The following ZFP2 variants were observed in gnomAD, a reference collection of about 807,000 sequenced individuals.
ZFP2 encodes zinc finger protein ZFP2.
A neutral mutation model predicts 36.1 loss-of-function variants in ZFP2; 33 were observed. The ratio of observed to expected loss-of-function variants is 0.92; its 90% CI spans 0.69 to 1.22. ZFP2 has a LOEUF of 1.22. ZFP2 is among the 50% of genes most tolerant of loss of function. The probability of loss-of-function intolerance (pLI) is 0.00; values close to 1 mark genes in which losing one functional copy is unlikely to be tolerated. For missense variants in ZFP2, 522 were observed against 551.4 expected, an observed-to-expected ratio of 0.95 and a Z score of 0.53; for synonymous variants, 170 against 178.0, an observed-to-expected ratio of 0.96 and a Z score of 0.36.
intron 3 of ZFP2, chr5:178,913,858 C>CTTTTTTTTTT (rs1217671563): frequency 1.7e-4 from 22 of 129,736 alleles, no homozygotes; most frequent in South Asian, 2.5e-4. Context: ...CTTTTTTTTT[C>CTTTTTTTTTT]TTTTTTTTTT....
intron 2 of ZFP2, 75 bp downstream of exon 2, chr5:178,912,794 G>GT: frequency 3.0e-6 from 3 of 1,004,380 alleles, no homozygotes; most frequent in Non-Finnish European, 2.4e-6. Context: ...GTTTTAGGGT[G>GT]TTTGCTTGGT....
chr5:178,916,603 A>T lies in ZFP2; in HGVS notation c.-185A>T, dbSNP rs953204909. The T allele has an allele frequency of 1.8e-5, 18 of 983,320 alleles. No homozygotes were observed. The highest frequency in any genetic ancestry group is 2.2e-5 in the Non-Finnish European group (18 of 829,532). 60.9% of individuals were successfully genotyped at this position (983,320 alleles called of 1,614,324 possible). On this transcript the variant is annotated 5_prime_UTR_variant, in exon 4 of 5. Coordinates refer to ENST00000361362, the MANE Select transcript of ZFP2 (RefSeq NM_030613.4). ...TTGCTGTCAGATTAATCTGACATTT[A>T]GTCCTCTCATTATCCTGTCCCAGTC... is the stretch of plus-strand genomic sequence containing the variant.
chr5:178,912,947 C>G (rs1052543840), intron 2 of ZFP2, 35 bp from the exon 3 acceptor site: 39 of 982,090 alleles, frequency 4.0e-5, no homozygotes, highest in African/African-American at 5.3e-5. Context: ...AGGCTCAGTT[C>G]AGAACCCAAA....
chr5:178,920,583 G>A (rs575213680), intron 4 of ZFP2, among the ~76,000 whole-genome samples: 1 of 151,650 alleles, frequency 6.6e-6, no homozygotes, highest in South Asian at 2.1e-4. Flanking sequence ...GTTGCAGTGA[G>A]TCGAGATCGC....
At chr5:178,926,648 C>A (rs933650698) in intron 4 of ZFP2, among the ~76,000 whole-genome samples, 3 of 152,138 alleles carry the variant, frequency 2.0e-5, no homozygotes, top group Non-Finnish European at 1.5e-5. Context: ...TCCTGAGTAG[C>A]TGGGACTACA....
Position 178,931,358 on chromosome 5 carries a change from G to A in ZFP2, c.45G>A (p.Trp15Ter). 6.2e-7 allele frequency: 1 copy of A among 1,613,156 alleles called. No individual in the cohort carries two copies. Among genetic ancestry groups the A allele is most frequent in the South Asian group, 1.1e-5 (1 of 90,834 alleles). Residue 15 changes from tryptophan (W) to a stop codon, truncating the protein, a stop_gained, in exon 5 of 5, where the codon TGG (tryptophan) becomes TGA (stop). Coordinates refer to ENST00000361362, the MANE Select transcript of ZFP2 (RefSeq NM_030613.4). LOFTEE classifies it low-confidence loss of function (END_TRUNC). ...GGCATTCTACTCTAGGGGAAACCTG[G>A]GAACCTAATAATTGGTTAGAGGGAC... ...GIWHSTLGET[W>*]EPNNWLEGQQ...
intron 4 of ZFP2, among the ~76,000 whole-genome samples, chr5:178,930,894 T>C (rs1224883552): frequency 6.6e-6 from 1 of 152,162 alleles, no homozygotes; most frequent in Admixed American, 6.6e-5. Context: ...TCCCAGCTCT[T>C]CTGCATGTGT....
intron 1 of ZFP2, among the ~76,000 whole-genome samples, chr5:178,905,040 C>T (rs1055025900): frequency 2.6e-5 from 4 of 151,918 alleles, no homozygotes; most frequent in Non-Finnish European, 4.4e-5. Context: ...CCTCATTTTT[C>T]GTTTCAAAAG....
rs950166898 is a variant in ZFP2 at position 178,933,102 on chromosome 5, A to G, written c.*403A>G. 4.0e-5 allele frequency: 7 copies of G among 173,900 alleles called. No homozygotes were observed. Among genetic ancestry groups the G allele is most frequent in the African/African-American group, 9.6e-5 (4 of 41,614 alleles). 10.8% of individuals were successfully genotyped at this position (173,900 alleles called of 1,614,324 possible). A position where few individuals can be genotyped will look rare whatever the true frequency, so the allele number is the denominator to read the frequency against. On this transcript the variant is annotated 3_prime_UTR_variant, in exon 5 of 5. Coordinates refer to ENST00000361362, the MANE Select transcript of ZFP2 (RefSeq NM_030613.4). Reference sequence around the variant, plus strand: ...CTTGGACAACTTGCCTACTTCCACCAGGTTATGGTTCTTTATTTGGTAAAT... The same window carrying G: ...CTTGGACAACTTGCCTACTTCCACCGGGTTATGGTTCTTTATTTGGTAAAT...
intron 1 of ZFP2, among the ~76,000 whole-genome samples, chr5:178,905,501 T>G (rs1758149874): frequency 6.6e-6 from 1 of 152,218 alleles, no homozygotes; most frequent in African/African-American, 2.4e-5. Flanking sequence ...ATGTCCTTAT[T>G]CTATTTGATA....
At position 178,931,857 on chromosome 5, in the gene ZFP2, G is replaced by C; in HGVS notation, c.544G>C (p.Gly182Arg). ...NLTVHQRTHTGEKPYQCKECG... is the reference protein window; with the variant it reads ...NLTVHQRTHTREKPYQCKECG... ...TACTGTCCATCAACGAACTCACACC[G>C]GAGAGAAACCCTATCAGTGTAAAGA... Residue 182 changes from glycine (G) to arginine (R), a missense_variant, in exon 5 of 5, where the codon GGA becomes CGA. Gly to Arg is a moderately radical substitution (Grantham distance 125). Transcript: ENST00000361362. The C allele has an allele frequency of 6.2e-7, 1 of 1,612,814 alleles. No homozygotes were observed. Among genetic ancestry groups the C allele is most frequent in the Non-Finnish European group, 8.5e-7 (1 of 1,179,024 alleles).
intron 1 of ZFP2, chr5:178,910,211 A>G: frequency 6.3e-7 from 1 of 1,580,480 alleles, no homozygotes. Flanking sequence ...ACATGGTTGC[A>G]GCCTGGAACT....
chr5:178,923,451 A>G (rs1758603115), intron 4 of ZFP2, among the ~76,000 whole-genome samples: 1 of 149,776 alleles, frequency 6.7e-6, no homozygotes, highest in African/African-American at 2.4e-5. Flanking sequence ...TCATCCTTGA[A>G]GTGGATTCAG....
intron 1 of ZFP2, among the ~76,000 whole-genome samples, chr5:178,897,402 G>C (rs984320487): frequency 3.3e-5 from 5 of 152,154 alleles, no homozygotes; most frequent in Non-Finnish European, 7.3e-5. Context: ...TGACTGTGCA[G>C]AAACGTCACA....
intron 3 of ZFP2, among the ~76,000 whole-genome samples, chr5:178,916,184 T>A (rs1758427748): frequency 6.6e-6 from 1 of 151,698 alleles, no homozygotes. Context: ...AGAGTCAAGG[T>A]AGAGTATGAC....
intron 1 of ZFP2, among the ~76,000 whole-genome samples, chr5:178,907,324 C>T (rs191454843): frequency 6.9e-4 from 105 of 151,502 alleles, no homozygotes; most frequent in African/African-American, 2.5e-3. Context: ...TATGTGTACA[C>T]ATATATATTT....
intron 4 of ZFP2, among the ~76,000 whole-genome samples, chr5:178,923,818 A>G (rs1334850095): frequency 1.3e-5 from 2 of 148,948 alleles, no homozygotes; most frequent in East Asian, 3.9e-4. Context: ...CCATGAAGGT[A>G]TACTGAATCC....
chr5:178,922,771 A>T, intron 4 of ZFP2: 2 of 1,506,872 alleles, frequency 1.3e-6, no homozygotes, highest in Non-Finnish European at 1.8e-6. Context: ...AGGGCTGTGC[A>T]GAAATGTGTG....
intron 1 of ZFP2, among the ~76,000 whole-genome samples, chr5:178,896,422 C>T (rs1757941336): frequency 1.3e-5 from 2 of 152,194 alleles, no homozygotes; most frequent in Non-Finnish European, 2.9e-5. Flanking sequence ...GAACCTAACC[C>T]GCGGACATCC....
Sources: gnomAD v4.1 joint callset for allele counts (sites outside exome capture counted in the v4.1 genomes callset) on GRCh38, gnomAD v4.1.1 for gene constraint, MANE v1.5 for transcripts, NCBI Gene and HGNC (gene_info 2026-07-23, HGNC 2026-07-21) for gene names.